The following PCDH15 variants were observed in gnomAD, a reference collection of about 807,000 sequenced individuals.
The protein encoded by PCDH15 is protocadherin-15.
Under a neutral mutation model 178.5 loss-of-function variants are expected in PCDH15, and 129 were observed. The observed-to-expected ratio is 0.72, with a 90% CI of 0.63 to 0.84. The LOEUF (loss-of-function observed/expected upper bound fraction) is 0.84, where lower values mean the gene tolerates loss of function less well. Among genes scored for constraint, PCDH15 ranks in the 40% least tolerant of loss-of-function variants. The probability of loss-of-function intolerance (pLI) is 0.00; values close to 1 mark genes in which losing one functional copy is unlikely to be tolerated. For missense variants in PCDH15, 2,230 were observed against 2,099.9 expected (o/e 1.06, Z -1.21); for synonymous variants, 800 against 732.0 (o/e 1.09, Z -1.50).
chr10:54,294,616 C>T (rs2059629316), intron 8 of PCDH15, among the ~76,000 whole-genome samples: 1 of 152,142 alleles, frequency 6.6e-6, no homozygotes, highest in African/African-American at 2.4e-5. Flanking sequence ...GGATTTAGGA[C>T]ATGATTAAGT....
intron 3 of PCDH15, among the ~76,000 whole-genome samples, chr10:54,518,353 G>A (rs201232026): frequency 6.7e-6 from 1 of 148,724 alleles, no homozygotes. Context: ...GAATCAAATA[G>A]ACGCAATAAA....
chr10:53,853,321 A>C (rs1243872309), intron 28 of PCDH15, among the ~76,000 whole-genome samples: 1 of 152,076 alleles, frequency 6.6e-6, no homozygotes, highest in African/African-American at 2.4e-5. Context: ...AATGCCTAGA[A>C]TAAAACGTAT....
intron 2 of PCDH15, among the ~76,000 whole-genome samples, chr10:54,649,907 T>A (rs1405843691): frequency 6.6e-6 from 1 of 152,136 alleles, no homozygotes; most frequent in African/African-American, 2.4e-5. Context: ...CTCACCAACT[T>A]GCCCTTCTAG....
intron 2 of PCDH15, among the ~76,000 whole-genome samples, chr10:55,109,445 A>T (rs1837443542): frequency 6.6e-6 from 1 of 152,168 alleles, no homozygotes; most frequent in Non-Finnish European, 1.5e-5. Context: ...AAGATTCCAC[A>T]TTAGTTTGCA....
chr10:55,116,750 A>G (rs1226271348), intron 2 of PCDH15, among the ~76,000 whole-genome samples: 1 of 152,196 alleles, frequency 6.6e-6, no homozygotes, highest in Non-Finnish European at 1.5e-5. Flanking sequence ...AAACAGCAGA[A>G]GCAGGAAGGT....
intron 23 of PCDH15, among the ~76,000 whole-genome samples, chr10:53,941,387 C>T (rs2086052828): frequency 6.6e-6 from 1 of 152,230 alleles, no homozygotes; most frequent in African/African-American, 2.4e-5. Flanking sequence ...TATGGTTTTG[C>T]CTTTTCCAGA....
intron 2 of PCDH15, among the ~76,000 whole-genome samples, chr10:55,435,140 A>G (rs1839009032): frequency 6.6e-6 from 1 of 152,130 alleles, no homozygotes; most frequent in Admixed American, 6.5e-5. Context: ...AAAAAATAGT[A>G]AGTAAAGAAT....
chr10:54,905,663 G>A (rs1954706453), intron 2 of PCDH15, among the ~76,000 whole-genome samples: 1 of 152,104 alleles, frequency 6.6e-6, no homozygotes, highest in Admixed American at 6.5e-5. Context: ...TCGTGAAAGA[G>A]AATATTGCTA....
chr10:54,583,154 GTATA>G (rs1324848393), intron 2 of PCDH15, among the ~76,000 whole-genome samples: 5 of 151,924 alleles, frequency 3.3e-5, no homozygotes, highest in African/African-American at 1.2e-4. Flanking sequence ...CCCCTAAACA[GTATA>G]TAGTTTTTCC....
At chr10:54,146,172 A>G (rs777174980) in intron 14 of PCDH15, among the ~76,000 whole-genome samples, 1 of 152,072 alleles carries the variant, frequency 6.6e-6, no homozygotes, top group Non-Finnish European at 1.5e-5. Context: ...CTTAGCATGT[A>G]CATTTGTCAC....
intron 2 of PCDH15, among the ~76,000 whole-genome samples, chr10:55,428,566 T>TTATCTATCTATC (rs138673311): frequency 1.3e-5 from 2 of 151,582 alleles, no homozygotes; most frequent in Admixed American, 6.6e-5. Flanking sequence ...ATATCTATAA[T>TTATCTATCTATC]TATCTATCTA....
intron 13 of PCDH15, among the ~76,000 whole-genome samples, chr10:54,179,685 T>G (rs923211745): frequency 6.6e-6 from 1 of 152,154 alleles, no homozygotes; most frequent in Non-Finnish European, 1.5e-5. Flanking sequence ...CTGTTTCAAT[T>G]TCTTAAATAA....
At chr10:55,187,586 G>A (rs1242198971) in intron 1 of PCDH15, among the ~76,000 whole-genome samples, 4 of 151,930 alleles carry the variant, frequency 2.6e-5, no homozygotes, top group Non-Finnish European at 4.4e-5. Flanking sequence ...GGTATAGACC[G>A]GGTCACATAA....
chr10:54,548,061 A>AC (rs1169509323), intron 2 of PCDH15, among the ~76,000 whole-genome samples: 5 of 147,960 alleles, frequency 3.4e-5, no homozygotes, highest in African/African-American at 1.2e-4. Flanking sequence ...AACATGCGCC[A>AC]CTGCACTCCA....
chr10:54,977,707 G>A (rs949411771), intron 2 of PCDH15, among the ~76,000 whole-genome samples: 1 of 151,958 alleles, frequency 6.6e-6, no homozygotes, highest in Non-Finnish European at 1.5e-5. Flanking sequence ...TCGCTTTCAC[G>A]TTACTCTGTG....
At chr10:55,458,722 T>C (rs914190390) in intron 2 of PCDH15, among the ~76,000 whole-genome samples, 18 of 151,912 alleles carry the variant, frequency 1.2e-4, no homozygotes, top group African/African-American at 4.1e-4. Flanking sequence ...AAGTAACCAA[T>C]AGGTAACAGA....
chr10:55,320,439 A>G (rs1843860367), upstream of PCDH15, among the ~76,000 whole-genome samples: 1 of 151,860 alleles, frequency 6.6e-6, no homozygotes, highest in Admixed American at 6.6e-5. Flanking sequence ...GCCCCAGTAC[A>G]GTCAGCAAGC....
At chr10:55,177,848 T>G (rs1255073958) in intron 1 of PCDH15, among the ~76,000 whole-genome samples, 1 of 149,546 alleles carries the variant, frequency 6.7e-6, no homozygotes, top group African/African-American at 2.4e-5. Flanking sequence ...AGAACCCAGA[T>G]TGGACTCTTT....
chr10:54,520,257 A>G (rs1163395967), intron 3 of PCDH15, among the ~76,000 whole-genome samples: 6 of 152,216 alleles, frequency 3.9e-5, no homozygotes, highest in Non-Finnish European at 8.8e-5. Context: ...AAAAGAAACT[A>G]CCATCAGAGT....
Sources: gnomAD v4.1 joint callset for allele counts (sites outside exome capture counted in the v4.1 genomes callset) on GRCh38, gnomAD v4.1.1 for gene constraint, MANE v1.5 for transcripts, NCBI Gene and HGNC (gene_info 2026-07-23, HGNC 2026-07-21) for gene names.